Variants in ITGA1 observed in about 807,000 individuals in gnomAD.
The protein encoded by ITGA1 is integrin alpha-1.
Under a neutral mutation model 145.9 loss-of-function variants are expected in ITGA1, and 85 were observed. The observed-to-expected ratio is 0.58, with a 90% CI of 0.49 to 0.70. The LOEUF (loss-of-function observed/expected upper bound fraction) is 0.70. Ranked by LOEUF, ITGA1 falls within the 30% of genes least tolerant of loss-of-function variation. The pLI, the probability that ITGA1 is intolerant of heterozygous loss-of-function variation, is 0.00. For missense variants in ITGA1, 1,351 were observed against 1,418.7 expected (o/e 0.95, Z 0.77); for synonymous variants, 520 against 495.3 (o/e 1.05, Z -0.66).
chr5:52,875,541 G>A (rs1042770986), intron 6 of ITGA1, among the ~76,000 whole-genome samples: 5 of 152,090 alleles, frequency 3.3e-5, no homozygotes, highest in African/African-American at 1.2e-4. Flanking sequence ...ATCTCCCCAG[G>A]AGGTAAATGT....
In ITGA1 at chr5:52,957,110, T is replaced by G. The variant is rs1292138910; in HGVS notation, c.*4659T>G. ...GCATCTTTGATCCTCAGGTTAAAAT[T>G]TAATCTTAAATTTAGAAATTCAAAG... On this transcript the variant is annotated 3_prime_UTR_variant, in exon 29 of 29. Transcript: ENST00000282588. 2 of 152,182 alleles carry G rather than the reference T, an allele frequency of 1.3e-5. No homozygotes were observed. Among genetic ancestry groups the G allele is most frequent in the Non-Finnish European group, 2.9e-5 (2 of 68,046 alleles). The allele number at this position is 152,182 out of a possible 1,614,324, so 9.4% of individuals were successfully genotyped here.
rs1023801102 is a variant in ITGA1, at chr5:52,939,906, A to G, written c.3247A>G (p.Asn1083Asp). 2.5e-6 allele frequency: 4 copies of G among 1,613,296 alleles called. No individual in the cohort carries two copies. Among genetic ancestry groups the G allele is most frequent in the African/African-American group, 2.7e-5 (2 of 74,908 alleles). Residue 1083 changes from asparagine to aspartate, a missense_variant, in exon 26 of 29, where the codon AAT becomes GAT. Physicochemically the swap from Asn to Asp is conservative, Grantham distance 23. Transcript: ENST00000282588. ...NLTSSDISQV[N>D]VSLILWKPTF... is the part of the protein sequence containing the mutation. Reference sequence around the variant, plus strand: ...CACTTCTTCTGACATCAGCCAAGTCAATGTTTCGCTTATCTTGTGGAAACC... The same window carrying G: ...CACTTCTTCTGACATCAGCCAAGTCGATGTTTCGCTTATCTTGTGGAAACC...
chr5:52,920,770 T>C (rs1345014081), intron 17 of ITGA1, among the ~76,000 whole-genome samples: 1 of 152,218 alleles, frequency 6.6e-6, no homozygotes, highest in East Asian at 1.9e-4. Context: ...CTTCATTTCT[T>C]TCACTCATTC....
chr5:52,917,799 A>G (rs1329243768), intron 15 of ITGA1, among the ~76,000 whole-genome samples: 1 of 152,188 alleles, frequency 6.6e-6, no homozygotes, highest in Non-Finnish European at 1.5e-5. Flanking sequence ...TAGTATAACA[A>G]GTTATTTGTG....
intron 19 of ITGA1, 101 bp from the exon 20 acceptor site, chr5:52,927,483 G>T (rs1750828603): frequency 1.4e-6 from 1 of 720,074 alleles, no homozygotes; most frequent in Non-Finnish European, 2.4e-6. Context: ...AAAAATAGTG[G>T]CAAGGCAGTC....
intron 2 of ITGA1, among the ~76,000 whole-genome samples, chr5:52,853,609 C>T (rs1019702395): frequency 1.4e-4 from 22 of 152,116 alleles, no homozygotes; most frequent in African/African-American, 3.9e-4. Flanking sequence ...TTAATTCTTT[C>T]GAAAGAAATA....
In ITGA1 at chr5:52,819,267, T is replaced by C. The variant is rs573889131; in HGVS notation, c.62-30098T>C. 4.2e-3 allele frequency among the ~76,000 whole-genome samples: 647 copies of C among 152,300 alleles called. 3 individuals carry two copies. The highest frequency in any genetic ancestry group is 2.9e-3 in the Non-Finnish European group (200 of 68,022). ...AACTAGTTTACAGTCCCACCAACAG[T>C]GTAAAAGTGTTCCTATTTCTCCACA... On this transcript the variant is annotated intron_variant, in intron 1 of 28. Coordinates refer to ENST00000282588, the MANE Select transcript of ITGA1 (RefSeq NM_181501.2).
At chr5:52,851,474 C>A (rs73102269) in intron 2 of ITGA1, among the ~76,000 whole-genome samples, 10,020 of 152,170 alleles carry the variant, frequency 0.066, 564 homozygotes, top group African/African-American at 0.15. Flanking sequence ...AAAAATCAGG[C>A]CTGAATGAAG....
intron 18 of ITGA1, among the ~76,000 whole-genome samples, chr5:52,925,038 T>A (rs1750782892): frequency 6.6e-6 from 1 of 152,244 alleles, no homozygotes; most frequent in Non-Finnish European, 1.5e-5. Context: ...AAAGCACCCA[T>A]GAAAATTGTG....
At chr5:52,790,984 T>C (rs1341708903) in intron 1 of ITGA1, among the ~76,000 whole-genome samples, 1 of 152,160 alleles carries the variant, frequency 6.6e-6, no homozygotes, top group Non-Finnish European at 1.5e-5. Flanking sequence ...CCCTCTGACA[T>C]CTAAATAAAC....
chr5:52,875,662 A>G (rs1461535975), intron 6 of ITGA1, among the ~76,000 whole-genome samples: 1 of 152,160 alleles, frequency 6.6e-6, no homozygotes, highest in Non-Finnish European at 1.5e-5. Context: ...TTTTACTGAT[A>G]CCACAAACTG....
intron 1 of ITGA1, chr5:52,800,871 T>G (rs1748463117): frequency 2.5e-6 from 4 of 1,611,382 alleles, no homozygotes; most frequent in Non-Finnish European, 3.4e-6. Context: ...TGACCCTCAC[T>G]CGGGCCAAGG....
In ITGA1 at chr5:52,805,474, A is replaced by ATT. The variant is rs1336455802; in HGVS notation, c.61+17061_61+17062dup. The stretch of plus-strand genomic sequence containing the variant: ...GAATGAACAGAAGTCAACAGGAAAT[A>ATT]TTAAGAGATGGGATCAAAAGGACAT... On this transcript the variant is annotated intron_variant, in intron 1 of 28. Coordinates refer to ENST00000282588, the MANE Select transcript of ITGA1 (RefSeq NM_181501.2). Among the ~76,000 whole-genome samples the ATT allele has an allele frequency of 4.6e-5, 7 of 152,290 alleles. No homozygotes were observed. In the East Asian group the frequency reaches 1.4e-3, roughly 29 times the overall value.
In ITGA1 at chr5:52,954,882, A is replaced by G. The variant is rs1302621889; in HGVS notation, c.*2431A>G. The stretch of plus-strand genomic sequence containing the variant: ...AAAAAGTCAACAAATGTTTCAAAAC[A>G]GCTTTGTACAAATGTTATAAAACAT... On this transcript the variant is annotated 3_prime_UTR_variant, in exon 29 of 29. Transcript: ENST00000282588. The G allele has an allele frequency of 6.6e-6, 1 of 152,238 alleles. No individual in the cohort carries two copies. Among genetic ancestry groups the G allele is most frequent in the African/African-American group, 2.4e-5 (1 of 41,466 alleles). 9.4% of individuals were successfully genotyped at this position (152,238 alleles called of 1,614,324 possible). A position where few individuals can be genotyped will look rare whatever the true frequency, so the allele number is the denominator to read the frequency against.
At chr5:52,797,013 T>A (rs528282022) in intron 1 of ITGA1, among the ~76,000 whole-genome samples, 176 of 152,216 alleles carry the variant, frequency 1.2e-3, no homozygotes, top group African/African-American at 3.9e-3. Flanking sequence ...AAGTGGGAAG[T>A]AAATTTGTAA....
chr5:52,952,691 A>G lies in ITGA1; in HGVS notation c.*240A>G, dbSNP rs1162519950. 4.6e-6 allele frequency: 1 copy of G among 218,236 alleles called. No individual in the cohort carries two copies. The highest frequency in any genetic ancestry group is 9.2e-6 in the Non-Finnish European group (1 of 108,618). 13.5% of individuals were successfully genotyped at this position (218,236 alleles called of 1,614,324 possible). ...TACTCATTTTTGTTGAGTAAGCAAA[A>G]TTACAAAGTGTTTTTAAAAAAACCT... On this transcript the variant is annotated 3_prime_UTR_variant, in exon 29 of 29. Transcript: ENST00000282588.
chr5:52,797,313 C>CT (rs2111653577), intron 1 of ITGA1, among the ~76,000 whole-genome samples: 1 of 151,906 alleles, frequency 6.6e-6, no homozygotes, highest in South Asian at 2.1e-4. Flanking sequence ...TGCCTCATAA[C>CT]TTAAAAAAAA....
At chr5:52,945,725 A>G (rs1751125620) in intron 27 of ITGA1, among the ~76,000 whole-genome samples, 1 of 152,246 alleles carries the variant, frequency 6.6e-6, no homozygotes. Context: ...CATGTGGATA[A>G]CAGCACCATG....
At chr5:52,881,345 TC>T (rs1749954596) in intron 6 of ITGA1, among the ~76,000 whole-genome samples, 1 of 152,170 alleles carries the variant, frequency 6.6e-6, no homozygotes, top group Non-Finnish European at 1.5e-5. Flanking sequence ...ATACACAGTT[TC>T]CCCTGTATGG....
Sources: gnomAD v4.1 joint callset for allele counts (sites outside exome capture counted in the v4.1 genomes callset) on GRCh38, gnomAD v4.1.1 for gene constraint, MANE v1.5 for transcripts, NCBI Gene and HGNC (gene_info 2026-07-23, HGNC 2026-07-21) for gene names.